The following TTC3 variants were observed in gnomAD, a reference collection of about 807,000 sequenced individuals.
The protein encoded by TTC3 is tetratricopeptide repeat domain 3.
Under a neutral mutation model 249.6 loss-of-function variants are expected in TTC3, and 180 were observed. The ratio of observed to expected loss-of-function variants is 0.72; its 90% CI spans 0.64 to 0.82. The LOEUF is 0.82. Among genes scored for constraint, TTC3 ranks in the 40% least tolerant of loss-of-function variants. The pLI is 0.00. For synonymous variants in TTC3, 717 were observed against 805.0 expected (o/e 0.89, Z 1.85); for missense variants, 2,061 against 2,398.4 (o/e 0.86, Z 2.94).
At position 37,147,389 on chromosome 21, in the gene TTC3, A is replaced by G. The variant is rs1247953193; in HGVS notation, c.1894-92A>G. On this transcript the variant is annotated intron_variant, in intron 21 of 45. Coordinates refer to ENST00000355666, the Ensembl canonical transcript of TTC3. The stretch of plus-strand genomic sequence containing the variant: ...AAATTTAGTCATTCTTATGCTGAAA[A>G]TATTTTGATGGCAAGAGGTTATTGA... 4 of 1,249,362 alleles carry G rather than the reference A, an allele frequency of 3.2e-6. No individual in the cohort carries two copies. In the African/African-American group the frequency reaches 4.7e-5, roughly 15 times the overall value. 77.4% of individuals were successfully genotyped at this position (1,249,362 alleles called of 1,614,324 possible).
chr21:37,173,086 G>A (rs563014305), intron 35 of TTC3, among the ~76,000 whole-genome samples: 38 of 152,278 alleles, frequency 2.5e-4, no homozygotes, highest in Non-Finnish European at 4.6e-4. Flanking sequence ...TAGAGGTTCA[G>A]AATGAGAGCC....
At chr21:37,120,274 T>G (rs2076476681) in intron 11 of TTC3, among the ~76,000 whole-genome samples, 1 of 152,202 alleles carries the variant, frequency 6.6e-6, no homozygotes. Flanking sequence ...CTGAGATACC[T>G]TTAATTTAAG....
At chr21:37,104,397 C>G (rs184865860) in intron 10 of TTC3, among the ~76,000 whole-genome samples, 5 of 152,136 alleles carry the variant, frequency 3.3e-5, no homozygotes, top group Middle Eastern at 6.8e-3. Flanking sequence ...CGAGACCAGC[C>G]TGGCCAACAT....
exon 46 of TTC3, chr21:37,201,537 G>T (rs781487707): frequency 6.2e-7 from 1 of 1,614,062 alleles, no homozygotes; most frequent in Admixed American, 1.7e-5. Context: ...GGCTGGCCCA[G>T]TCAGAATCAG....
chr21:37,130,512 C>T (rs1337045586), intron 16 of TTC3, among the ~76,000 whole-genome samples: 2 of 152,136 alleles, frequency 1.3e-5, no homozygotes, highest in African/African-American at 4.8e-5. Context: ...ACGTAAAACA[C>T]TTAGAGCCCT....
rs377395792 is a variant in TTC3 at position 37,166,034 on chromosome 21, G to A, written c.3820G>A (p.Val1274Ile). The stretch of plus-strand genomic sequence containing the variant: ...TTCTGAGGATGGGCAACCCAAAGGG[G>A]TCTCTTCTAATTCTCCTAAACCAGG... The change falls in exon 33 of 46, where the codon GTC becomes ATC. Residue 1274 changes from valine (V) to isoleucine (I), a missense_variant. Val to Ile is a conservative substitution (Grantham distance 29). Transcript: ENST00000355666. The A allele has an allele frequency of 5.0e-6, 8 of 1,614,050 alleles. No individual in the cohort carries two copies. The African/African-American group carries it at 9.3e-5, about 19-fold the overall frequency.
intron 41 of TTC3, 136 bp downstream of exon 41, chr21:37,192,349 C>T: frequency 1.7e-6 from 1 of 580,158 alleles, no homozygotes; most frequent in Middle Eastern, 2.7e-4. Flanking sequence ...ATTATTGGTG[C>T]TACTGATTAA....
Position 37,190,683 on chromosome 21 carries a change from A to C in TTC3, c.5025-651A>C, listed in dbSNP as rs1242196476. Among the ~76,000 whole-genome samples, 5 of 152,196 alleles carry C rather than the reference A, an allele frequency of 3.3e-5. No homozygotes were observed. The East Asian group carries it at 7.7e-4, about 23-fold the overall frequency. ...TAGAGTATACAAAGATTCTTTCTTC[A>C]GGATGCCATGCTAACTCTGCCTTCT... On this transcript the variant is annotated intron_variant, in intron 39 of 45. Transcript: ENST00000355666.
chr21:37,112,886 C>A (rs2075798867), intron 11 of TTC3, among the ~76,000 whole-genome samples: 1 of 152,172 alleles, frequency 6.6e-6, no homozygotes, highest in Non-Finnish European at 1.5e-5. Context: ...GCCGGTTCAA[C>A]ATATGAAAAT....
chr21:37,094,194 TG>T, intron 8 of TTC3, 104 bp downstream of exon 8: 2 of 522,748 alleles, frequency 3.8e-6, no homozygotes, highest in East Asian at 7.0e-5. Flanking sequence ...TTCATAAAAT[TG>T]GATGACATAT....
intron 28 of TTC3, among the ~76,000 whole-genome samples, chr21:37,157,726 C>CTA (rs967651223): frequency 7.9e-5 from 12 of 152,174 alleles, no homozygotes; most frequent in Non-Finnish European, 1.8e-4. Context: ...CCAGCTTGAA[C>CTA]TAACTAGCTA....
At chr21:37,131,143 C>T (rs55880713) in intron 16 of TTC3, among the ~76,000 whole-genome samples, 10,786 of 152,196 alleles carry the variant, frequency 0.071, 538 homozygotes, top group Non-Finnish European at 0.11. Flanking sequence ...TGTTACTCAT[C>T]ATGAGCCCCT....
chr21:37,074,941 A>C (rs1025355408), intron 1 of TTC3, among the ~76,000 whole-genome samples: 2 of 152,196 alleles, frequency 1.3e-5, no homozygotes, highest in South Asian at 4.1e-4. Flanking sequence ...GTGATTATTT[A>C]ATCTTTTGCC....
chr21:37,171,346 G>A (rs1054178854), intron 34 of TTC3, among the ~76,000 whole-genome samples: 2 of 152,248 alleles, frequency 1.3e-5, no homozygotes, highest in African/African-American at 4.8e-5. Flanking sequence ...TTCTCAACCA[G>A]TGAGAATTGC....
chr21:37,092,800 T>TAAATTTTTTTTTGC, intron 7 of TTC3, among the ~76,000 whole-genome samples: 1 of 152,310 alleles, frequency 6.6e-6, no homozygotes, highest in Admixed American at 6.5e-5. Flanking sequence ...TTTGTTGCAA[T>TAAATTTTTTTTTGC]AAATTTTTTT....
intron 10 of TTC3, 164 bp from the exon 11 acceptor site, chr21:37,108,228 T>C: frequency 1.8e-6 from 1 of 545,246 alleles, no homozygotes; most frequent in East Asian, 3.3e-5. Context: ...TTCTGTATTT[T>C]CCAAATTTCC....
chr21:37,128,703 T>C (rs963475861), intron 15 of TTC3, among the ~76,000 whole-genome samples: 2 of 152,170 alleles, frequency 1.3e-5, no homozygotes, highest in African/African-American at 4.8e-5. Context: ...GTGATGTGTC[T>C]TTTCACCCCA....
At chr21:37,153,161 G>A (rs1032173056) in exon 27 of TTC3, 13 of 1,613,866 alleles carry the variant, frequency 8.1e-6, no homozygotes, top group Admixed American at 6.7e-5. Flanking sequence ...TATGTTATTC[G>A]CCACTTGATT....
At chr21:37,108,603 G>T (rs2075312513) in intron 11 of TTC3, among the ~76,000 whole-genome samples, 157 bp downstream of exon 11, 2 of 152,190 alleles carry the variant, frequency 1.3e-5, no homozygotes. Flanking sequence ...TCAGCGTGGG[G>T]ACCCAGCCAC....
Sources: gnomAD v4.1 joint callset for allele counts (sites outside exome capture counted in the v4.1 genomes callset) on GRCh38, gnomAD v4.1.1 for gene constraint, MANE v1.5 for transcripts, NCBI Gene and HGNC (gene_info 2026-07-23, HGNC 2026-07-21) for gene names.